KBTBD11: variants seen among roughly 807,000 people sequenced by gnomAD.
The protein encoded by KBTBD11 is kelch repeat and BTB domain containing 11, also known as kelch repeat and BTB domain-containing protein 11.
For synonymous variants in KBTBD11, 747 were observed against 499.0 expected (o/e 1.50, Z -6.63); for missense variants, 1,390 against 1,001.8 (o/e 1.39, Z -5.23).
At chr8:1,974,276 G>A (rs1433491724) in intron 1 of KBTBD11, 1 of 982,122 alleles carries the variant, frequency 1.0e-6, no homozygotes, top group Non-Finnish European at 1.2e-6. Context: ...GCCCTCCCCC[G>A]GGACGCGGCA....
chr8:1,982,369 C>G (rs1475477963), intron 1 of KBTBD11, among the ~76,000 whole-genome samples: 1 of 152,040 alleles, frequency 6.6e-6, no homozygotes. Context: ...AACCAGAAAA[C>G]AATTAAGAAA....
intron 1 of KBTBD11, among the ~76,000 whole-genome samples, chr8:1,994,336 G>T (rs1817052604): frequency 6.6e-6 from 1 of 152,216 alleles, no homozygotes; most frequent in African/African-American, 2.4e-5. Context: ...TGACTTGCTT[G>T]GATTCTGTCT....
intron 1 of KBTBD11, among the ~76,000 whole-genome samples, chr8:1,992,046 A>G (rs1052715250): frequency 6.6e-6 from 1 of 152,026 alleles, no homozygotes; most frequent in Non-Finnish European, 1.5e-5. Context: ...CTAACTTTCA[A>G]ACCCACCCTC....
In KBTBD11 at chr8:2,001,771, C is replaced by T. The variant is rs1415541677; in HGVS notation, c.579C>T (p.Ser193=). Residue 193 remains serine, a synonymous_variant, in exon 2 of 2, where the codon AGC becomes AGT. Transcript: ENST00000320248. ...GGCTGCTCCTCGCCGACGCCTACAG[C>T]GGGCGCATGGCGGGCGTGCGGCCCG... ...ALRLLLADAY[S]GRMAGVRPDN... 2 of 1,285,134 alleles carry T rather than the reference C, an allele frequency of 1.6e-6. No homozygotes were observed. Among genetic ancestry groups the T allele is most frequent in the Non-Finnish European group, 2.0e-6 (2 of 1,018,946 alleles). 79.6% of individuals were successfully genotyped at this position (1,285,134 alleles called of 1,614,324 possible). A position where few individuals can be genotyped will look rare whatever the true frequency, so the allele number is the denominator to read the frequency against.
chr8:2,001,271 G>T lies in KBTBD11; in HGVS notation c.79G>T (p.Ala27Ser). Residue 27 changes from alanine (A) to serine (S), a missense_variant, in exon 2 of 2, where the codon GCC (alanine) becomes TCC (serine). By Grantham distance (99) the Ala-to-Ser change is moderately conservative (BLOSUM62 1). Transcript: ENST00000320248. ...GAAGESESEG[A>S]ASPAQTPCSL... ...TGCCGGGGAGAGCGAGAGCGAGGGC[G>T]CCGCGTCCCCGGCGCAGACACCCTG... 1 of 1,517,448 alleles carries T rather than the reference G, an allele frequency of 6.6e-7. No individual in the cohort carries two copies. The highest frequency in any genetic ancestry group is 2.0e-5 in the Admixed American group (1 of 50,952). The allele number at this position is 1,517,448 out of a possible 1,614,324, so 94.0% of individuals were successfully genotyped here.
At chr8:1,977,459 G>A (rs1347330577) in intron 1 of KBTBD11, among the ~76,000 whole-genome samples, 1 of 152,056 alleles carries the variant, frequency 6.6e-6, no homozygotes, top group East Asian at 1.9e-4. Context: ...AGTAGTCTCT[G>A]GAGAGGCTCT....
At chr8:1,993,033 G>A (rs1416381719) in intron 1 of KBTBD11, among the ~76,000 whole-genome samples, 1 of 152,028 alleles carries the variant, frequency 6.6e-6, no homozygotes, top group African/African-American at 2.4e-5. Context: ...GACCTCTCCC[G>A]GGCTCAAGTG....
At chr8:1,992,324 A>G (rs530093352) in intron 1 of KBTBD11, among the ~76,000 whole-genome samples, 1 of 152,244 alleles carries the variant, frequency 6.6e-6, no homozygotes, top group African/African-American at 2.4e-5. Flanking sequence ...ACAGTACAAA[A>G]GCACAAATGT....
At chr8:1,979,578 G>A (rs1194670019) in intron 1 of KBTBD11, among the ~76,000 whole-genome samples, 1 of 152,168 alleles carries the variant, frequency 6.6e-6, no homozygotes, top group Admixed American at 6.5e-5. Context: ...GCAGTGAGCC[G>A]AGATTGCGCC....
intron 1 of KBTBD11, among the ~76,000 whole-genome samples, chr8:1,996,134 A>G (rs1187721921): frequency 1.3e-5 from 2 of 152,344 alleles, no homozygotes; most frequent in Admixed American, 6.5e-5. Context: ...TTCATTGGCT[A>G]CTTAACTGTG....
At chr8:1,995,456 G>A (rs146482904) in intron 1 of KBTBD11, among the ~76,000 whole-genome samples, 14 of 152,164 alleles carry the variant, frequency 9.2e-5, no homozygotes, top group African/African-American at 3.4e-4. Flanking sequence ...CTAGTTTTAG[G>A]CTGTGTAATT....
chr8:1,997,996 A>T (rs1226059438), intron 1 of KBTBD11, among the ~76,000 whole-genome samples: 1 of 152,146 alleles, frequency 6.6e-6, no homozygotes, highest in East Asian at 1.9e-4. Flanking sequence ...TTTTGAGATG[A>T]TTGAGTTTCA....
At chr8:1,994,673 T>C (rs1415040027) in intron 1 of KBTBD11, among the ~76,000 whole-genome samples, 2 of 152,176 alleles carry the variant, frequency 1.3e-5, no homozygotes, top group Admixed American at 6.5e-5. Context: ...CCTGGCAAAA[T>C]AGACGCCCGC....
At chr8:1,996,054 C>T (rs1205578596) in intron 1 of KBTBD11, among the ~76,000 whole-genome samples, 3 of 152,172 alleles carry the variant, frequency 2.0e-5, no homozygotes, top group Non-Finnish European at 4.4e-5. Flanking sequence ...TCCTGAGATT[C>T]CCTACAGGTT....
rs193107917 is a variant in KBTBD11, at chr8:1,996,098, C to T, written c.-908-4187C>T. Among the ~76,000 whole-genome samples, 32 of 152,316 alleles carry T rather than the reference C, an allele frequency of 2.1e-4. 1 individual carries two copies. The highest frequency in any genetic ancestry group is 1.5e-3 in the Admixed American group (23 of 15,312). ...GCTATAATTTTTCTTAGACTTATGG[C>T]CCTTCTTTCTTAATTAACCTTGCGA... is the stretch of plus-strand genomic sequence containing the variant. On this transcript the variant is annotated intron_variant, in intron 1 of 1. Coordinates refer to ENST00000320248, the MANE Select transcript of KBTBD11 (RefSeq NM_014867.3).
At chr8:1,992,928 CTTTTA>C (rs1422101809) in intron 1 of KBTBD11, among the ~76,000 whole-genome samples, 1 of 151,440 alleles carries the variant, frequency 6.6e-6, no homozygotes, top group Non-Finnish European at 1.5e-5. Context: ...TAAAAACTTG[CTTTTA>C]TTTTGTTATT....
chr8:1,980,834 G>A (rs1288727456), intron 1 of KBTBD11, among the ~76,000 whole-genome samples: 3 of 152,214 alleles, frequency 2.0e-5, no homozygotes, highest in East Asian at 3.8e-4. Flanking sequence ...TTTTCGGCAC[G>A]ACTTTAACAA....
Position 2,002,845 on chromosome 8 carries a change from G to A in KBTBD11, c.1653G>A (p.Gln551=). ...LRLPGGPTGL[Q]PFRCAALDGA... ...TCCCCGGCGGCCCCACGGGCCTGCAGCCCTTCCGCTGCGCCGCCCTGGACG... is the reference window on the plus strand; with the variant it reads ...TCCCCGGCGGCCCCACGGGCCTGCAACCCTTCCGCTGCGCCGCCCTGGACG... The change falls in exon 2 of 2, where the codon CAG becomes CAA. Residue 551 remains glutamine, a synonymous_variant. Coordinates refer to ENST00000320248, the MANE Select transcript of KBTBD11 (RefSeq NM_014867.3). The surrounding 1 kb of genome is among the most constrained non-coding windows in gnomAD (Gnocchi z 4.1). 1 of 1,405,402 alleles carries A rather than the reference G, an allele frequency of 7.1e-7. No homozygotes were observed. The highest frequency in any genetic ancestry group is 1.5e-5 in the African/African-American group (1 of 65,844). 87.1% of individuals were successfully genotyped at this position (1,405,402 alleles called of 1,614,324 possible).
chr8:1,983,507 C>G (rs1428726077), intron 1 of KBTBD11, among the ~76,000 whole-genome samples: 3 of 152,206 alleles, frequency 2.0e-5, no homozygotes, highest in Admixed American at 6.5e-5. Flanking sequence ...TAACACCCCC[C>G]TCAGCACTGG....
Sources: allele counts gnomAD v4.1 joint callset (sites outside exome capture counted in the v4.1 genomes callset), GRCh38; gene constraint gnomAD v4.1.1; non-coding constraint Gnocchi (gnomAD v3.1); transcripts MANE v1.5; gene names NCBI Gene and HGNC (gene_info 2026-07-23, HGNC 2026-07-21).